The following TFRC variants were observed in gnomAD, a reference collection of about 807,000 sequenced individuals.
TFRC encodes the protein transferrin receptor, also known as transferrin receptor protein 1.
Under a neutral mutation model 85.8 loss-of-function variants are expected in TFRC, and 35 were observed. That is an observed-to-expected ratio of 0.41 (90% CI 0.31 to 0.54). The LOEUF is 0.54. TFRC is among the 20% of genes least tolerant of loss of function. The pLI is 0.31. For synonymous variants in TFRC, 362 were observed against 328.6 expected (o/e 1.10, Z -1.10); for missense variants, 828 against 921.5 (o/e 0.90, Z 1.31).
chr3:196,050,313 C>T lies in TFRC; in HGVS notation c.*1629G>A, dbSNP rs1716207433. The T allele has an allele frequency of 4.6e-6, 1 of 219,366 alleles. No homozygotes were observed. The highest frequency in any genetic ancestry group is 9.1e-6 in the Non-Finnish European group (1 of 109,384). 13.6% of individuals were successfully genotyped at this position (219,366 alleles called of 1,614,324 possible). ...TAAATTTCAAATTTTGTAGTAATTT[C>T]ATTTTACAGTGGTTGAATTTACCCA... On this transcript the variant is annotated 3_prime_UTR_variant, in exon 19 of 19. Transcript: ENST00000360110.
intron 11 of TFRC, chr3:196,063,457 A>G (rs1035931494): frequency 6.5e-6 from 1 of 153,388 alleles, no homozygotes; most frequent in Admixed American, 6.5e-5. Context: ...CATGTATCAC[A>G]CTGCCCTCCA....
In TFRC at chr3:196,051,593, G is replaced by T. The variant is rs577759543; in HGVS notation, c.*349C>A. 19 of 286,192 alleles carry T rather than the reference G, an allele frequency of 6.6e-5. No homozygotes were observed. Among genetic ancestry groups the T allele is most frequent in the Admixed American group, 1.9e-4 (4 of 21,246 alleles). 17.7% of individuals were successfully genotyped at this position (286,192 alleles called of 1,614,324 possible). A position where few individuals can be genotyped will look rare whatever the true frequency, so the allele number is the denominator to read the frequency against. Reference sequence around the variant, plus strand: ...AGTAAGCGACCACTTACAACCTTCAGCAGAGACCAGCCCTTAGGATTCAGA... The same window carrying T: ...AGTAAGCGACCACTTACAACCTTCATCAGAGACCAGCCCTTAGGATTCAGA... On this transcript the variant is annotated 3_prime_UTR_variant, in exon 19 of 19. Coordinates refer to ENST00000360110, the MANE Select transcript of TFRC (RefSeq NM_001128148.3).
chr3:196,072,741 A>T (rs928360305), intron 4 of TFRC: 1 of 147,822 alleles, frequency 6.8e-6, no homozygotes, highest in Non-Finnish European at 1.5e-5. Context: ...TAAGTGTAGG[A>T]AGCTTGCAAA....
chr3:196,067,684 C>A (rs535423455), intron 8 of TFRC, 27 bp from the exon 9 acceptor site: 1 of 1,607,186 alleles, frequency 6.2e-7, no homozygotes, highest in African/African-American at 1.3e-5. Flanking sequence ...GCAATTCACT[C>A]CATCACATAC....
At chr3:196,065,362 C>T (rs1717629425) in intron 10 of TFRC, 81 bp downstream of exon 10, 1 of 848,930 alleles carries the variant, frequency 1.2e-6, no homozygotes, top group African/African-American at 2.0e-5. Context: ...CCTACACTCG[C>T]TCCTTCTCTA....
intron 17 of TFRC, 108 bp from the exon 18 acceptor site, chr3:196,053,666 C>CTTA (rs1168441542): frequency 7.2e-7 from 1 of 1,388,174 alleles, no homozygotes; most frequent in Non-Finnish European, 1.0e-6. Flanking sequence ...AAGGAACTCG[C>CTTA]AGATAAGCTC....
chr3:196,068,453 A>T (rs537642802), intron 7 of TFRC, among the ~76,000 whole-genome samples: 1 of 151,764 alleles, frequency 6.6e-6, no homozygotes, highest in Non-Finnish European at 1.5e-5. Flanking sequence ...TCTACTAAAA[A>T]TACAAAAATT....
intron 1 of TFRC, among the ~76,000 whole-genome samples, chr3:196,081,603 G>A (rs1321453182): frequency 1.3e-5 from 2 of 152,200 alleles, no homozygotes; most frequent in Admixed American, 1.3e-4. Context: ...CTGCGCCCGC[G>A]CTCCCGGACC....
At chr3:196,078,899 G>A (rs185780439) in intron 1 of TFRC, among the ~76,000 whole-genome samples, 2 of 151,386 alleles carry the variant, frequency 1.3e-5, no homozygotes, top group African/African-American at 2.4e-5. Flanking sequence ...CTCAGACTCC[G>A]AGTAGCTGGG....
At chr3:196,052,423 G>A (rs1268847334) in intron 18 of TFRC, among the ~76,000 whole-genome samples, 1 of 151,044 alleles carries the variant, frequency 6.6e-6, no homozygotes, top group African/African-American at 2.4e-5. Flanking sequence ...GGGATTACAG[G>A]TGTGAGCCAC....
chr3:196,079,346 C>A (rs189539599), intron 1 of TFRC, among the ~76,000 whole-genome samples: 1 of 151,860 alleles, frequency 6.6e-6, no homozygotes, highest in Non-Finnish European at 1.5e-5. Flanking sequence ...TGGTGGCTCA[C>A]GCCTGTAATC....
chr3:196,062,880 A>C lies in TFRC; in HGVS notation c.1378T>G (p.Ser460Ala). Residue 460 changes from serine to alanine, a missense_variant, in exon 12 of 19, where the codon TCG becomes GCG. Transcript: ENST00000360110. Reference protein sequence around the residue: ...FASWSAGDFGSVGATEWLEGY... With the variant: ...FASWSAGDFGAVGATEWLEGY... ...TCTAGCCATTCAGTGGCACCAACCG[A>C]TCCAAAGTCTCCAGCACTCCAACTG... The C allele has an allele frequency of 6.2e-7, 1 of 1,614,164 alleles. No homozygotes were observed. Among genetic ancestry groups the C allele is most frequent in the Admixed American group, 1.7e-5 (1 of 60,010 alleles).
intron 2 of TFRC, among the ~76,000 whole-genome samples, chr3:196,075,883 T>TA (rs1553799649): frequency 4.3e-4 from 65 of 149,912 alleles, no homozygotes; most frequent in Non-Finnish European, 9.2e-4. Context: ...CCCAGCACTC[T>TA]GGGGGGGGCC....
chr3:196,070,889 G>A (rs1454761823), intron 6 of TFRC, among the ~76,000 whole-genome samples: 2 of 151,978 alleles, frequency 1.3e-5, no homozygotes, highest in Non-Finnish European at 2.9e-5. Flanking sequence ...AGAATGCAGT[G>A]AGCCAAGCTC....
In TFRC at chr3:196,069,514, T is replaced by G. The variant is rs1276565012; in HGVS notation, c.742A>C (p.Thr248Pro). Residue 248 changes from threonine (T) to proline (P), a missense_variant, in exon 7 of 19, where the codon ACT becomes CCT. Transcript: ENST00000360110. Reference protein sequence around the residue: ...GTKKDFEDLYTPVNGSIVIVR... With the variant: ...GTKKDFEDLYPPVNGSIVIVR... ...ATCACTATAGATCCATTCACAGGAGTGTATAAATCCTCAAAATCTTTTTTA... is the reference window on the plus strand; with the variant it reads ...ATCACTATAGATCCATTCACAGGAGGGTATAAATCCTCAAAATCTTTTTTA... The G allele has an allele frequency of 4.3e-6, 7 of 1,613,596 alleles. No homozygotes were observed. The Admixed American group carries it at 1.2e-4, about 27-fold the overall frequency.
intron 16 of TFRC, 38 bp downstream of exon 16, chr3:196,058,246 A>C (rs769704809): frequency 1.9e-6 from 3 of 1,547,462 alleles, no homozygotes; most frequent in Non-Finnish European, 2.7e-6. Flanking sequence ...CCTTTTAGAG[A>C]GCCTCTCTCC....
At chr3:196,058,737 ATT>A in intron 14 of TFRC, 105 bp from the exon 15 acceptor site, 1 of 664,182 alleles carries the variant, frequency 1.5e-6, no homozygotes, top group Non-Finnish European at 2.4e-6. Flanking sequence ...AAAAACTTGT[ATT>A]ATATCTTCTT....
intron 2 of TFRC, among the ~76,000 whole-genome samples, chr3:196,076,297 A>C (rs749281787): frequency 4.0e-5 from 6 of 151,592 alleles, no homozygotes; most frequent in Non-Finnish European, 5.9e-5. Context: ...TGTCTACTCA[A>C]TGTTTCTTAA....
chr3:196,062,856 C>G lies in TFRC; in HGVS notation c.1402G>C (p.Glu468Gln). The change falls in exon 12 of 19, where the codon GAG becomes CAG. Residue 468 changes from glutamate (E) to glutamine (Q), a missense_variant and splice_region_variant. Coordinates refer to ENST00000360110, the MANE Select transcript of TFRC (RefSeq NM_001128148.3). ...FGSVGATEWLEGYLSSLHLKA... is the reference protein window; with the variant it reads ...FGSVGATEWLQGYLSSLHLKA... ...TGGGAAGGGATGATAAAGAATACCTCTAGCCATTCAGTGGCACCAACCGAT... is the reference window on the plus strand; with the variant it reads ...TGGGAAGGGATGATAAAGAATACCTGTAGCCATTCAGTGGCACCAACCGAT... 1 of 1,613,912 alleles carries G rather than the reference C, an allele frequency of 6.2e-7. No individual in the cohort carries two copies. Among genetic ancestry groups the G allele is most frequent in the Non-Finnish European group, 8.5e-7 (1 of 1,179,818 alleles).
Sources: gnomAD v4.1 joint callset for allele counts (sites outside exome capture counted in the v4.1 genomes callset) on GRCh38, gnomAD v4.1.1 for gene constraint, MANE v1.5 for transcripts, NCBI Gene and HGNC (gene_info 2026-07-23, HGNC 2026-07-21) for gene names.